Variants in UBAP1 observed in about 807,000 individuals in gnomAD.
UBAP1 encodes ubiquitin associated protein 1, also known as ubiquitin-associated protein 1.
Under a neutral mutation model 39.0 loss-of-function variants are expected in UBAP1, and 5 were observed. That is an observed-to-expected ratio of 0.13 (90% CI 0.07 to 0.27). UBAP1 has a LOEUF of 0.27. Ranked by LOEUF, UBAP1 falls within the 10% of genes least tolerant of loss-of-function variation. The probability of loss-of-function intolerance (pLI) is 1.00; values close to 1 mark genes in which losing one functional copy is unlikely to be tolerated. For synonymous variants in UBAP1, 211 were observed against 225.1 expected (o/e 0.94, Z 0.56); for missense variants, 490 against 608.1 (o/e 0.81, Z 2.04).
intron 1 of UBAP1, among the ~76,000 whole-genome samples, chr9:34,212,909 A>G (rs991168231): frequency 1.3e-5 from 2 of 152,194 alleles, no homozygotes; most frequent in African/African-American, 4.8e-5. Context: ...AAAGAAAACT[A>G]CAGACTAATA....
At chr9:34,243,779 A>G (rs1425794615) in intron 4 of UBAP1, among the ~76,000 whole-genome samples, 3 of 151,374 alleles carry the variant, frequency 2.0e-5, no homozygotes, top group African/African-American at 7.3e-5. Flanking sequence ...TGTGAGCCAC[A>G]GTGGCTGGCC....
At chr9:34,195,618 A>G (rs943739570) in intron 1 of UBAP1, among the ~76,000 whole-genome samples, 4 of 149,256 alleles carry the variant, frequency 2.7e-5, no homozygotes, top group African/African-American at 9.9e-5. Flanking sequence ...TTTTTCTGAG[A>G]CGGAGTTTCA....
At chr9:34,250,566 A>C in intron 5 of UBAP1, 92 bp from the exon 6 acceptor site, 2 of 980,550 alleles carry the variant, frequency 2.0e-6, no homozygotes, top group South Asian at 3.0e-5. Context: ...GGTGGGGCGG[A>C]GAACGGACTT....
At chr9:34,247,467 C>G (rs1834239817) in intron 4 of UBAP1, among the ~76,000 whole-genome samples, 1 of 151,922 alleles carries the variant, frequency 6.6e-6, no homozygotes, top group African/African-American at 2.4e-5. Context: ...CTGTGTCAAC[C>G]AGGCTGGAGT....
At position 34,182,259 on chromosome 9, in the gene UBAP1, A is replaced by T. The variant is rs1015418714; in HGVS notation, c.-8+3019A>T. On this transcript the variant is annotated intron_variant, in intron 1 of 6. Transcript: ENST00000297661. ...GAGTGCTGTGGCGTGATCTCAGCTC[A>T]CTGCAACCTCCATTTCCCAGGTTCA... Among the ~76,000 whole-genome samples, 74 of 144,706 alleles carry T rather than the reference A, an allele frequency of 5.1e-4. 3 individuals carry two copies. The highest frequency in any genetic ancestry group is 2.0e-3 in the African/African-American group (73 of 37,102). The allele number at this position is 144,706 out of a possible 152,430, so 94.9% of individuals were successfully genotyped here. A position where few individuals can be genotyped will look rare whatever the true frequency, so the allele number is the denominator to read the frequency against.
chr9:34,202,480 T>G (rs569768945), intron 1 of UBAP1, among the ~76,000 whole-genome samples: 9 of 152,002 alleles, frequency 5.9e-5, no homozygotes, highest in African/African-American at 4.8e-5. Context: ...TTGGGAGAGA[T>G]AGAGTTCTAC....
chr9:34,226,304 A>C (rs1449311568), intron 2 of UBAP1, among the ~76,000 whole-genome samples: 1 of 144,784 alleles, frequency 6.9e-6, no homozygotes, highest in African/African-American at 2.6e-5. Flanking sequence ...ATCTCTGCTC[A>C]CTGCAACCTC....
Position 34,221,424 on chromosome 9 carries a change from G to A in UBAP1, c.34+476G>A, listed in dbSNP as rs370043828. Among the ~76,000 whole-genome samples, 8 of 152,032 alleles carry A rather than the reference G, an allele frequency of 5.3e-5. No homozygotes were observed. The South Asian group carries it at 1.7e-3, about 32-fold the overall frequency. On this transcript the variant is annotated intron_variant, in intron 2 of 6. Coordinates refer to ENST00000297661, the MANE Select transcript of UBAP1 (RefSeq NM_016525.5). ...GGCGCCTGTAGTCCTAGCTACTCGG[G>A]AGGCTGAGGGCAGAAGAATGGCGTG... is the stretch of plus-strand genomic sequence containing the variant.
intron 2 of UBAP1, among the ~76,000 whole-genome samples, chr9:34,230,441 C>G (rs1833350043): frequency 6.6e-6 from 1 of 152,150 alleles, no homozygotes; most frequent in Non-Finnish European, 1.5e-5. Context: ...AAACAAAAGA[C>G]TTAATTGTGT....
chr9:34,236,644 C>T (rs1167406335), intron 3 of UBAP1, among the ~76,000 whole-genome samples: 1 of 152,088 alleles, frequency 6.6e-6, no homozygotes, highest in African/African-American at 2.4e-5. Flanking sequence ...TTTTCAGTCA[C>T]TCAAGTTAGA....
intron 1 of UBAP1, among the ~76,000 whole-genome samples, chr9:34,216,961 C>A (rs376811839): frequency 3.3e-5 from 5 of 152,032 alleles, no homozygotes; most frequent in African/African-American, 4.8e-5. Flanking sequence ...ACTTATTCTT[C>A]CTATGTGATG....
rs181505785 is a variant in UBAP1, at chr9:34,215,214, A to C, written c.-7-5694A>C. Among the ~76,000 whole-genome samples, 512 of 152,244 alleles carry C rather than the reference A, an allele frequency of 3.4e-3. 1 individual carries two copies. Among genetic ancestry groups the C allele is most frequent in the Non-Finnish European group, 5.7e-3 (390 of 68,024 alleles). ...ACAATTCACAAGTGTAAAATCATGG[A>C]AGCAACCCAAATGCCTATCAACGAA... On this transcript the variant is annotated intron_variant, in intron 1 of 6. Coordinates refer to ENST00000297661, the MANE Select transcript of UBAP1 (RefSeq NM_016525.5).
chr9:34,181,455 C>CG (rs1275290884), intron 1 of UBAP1, among the ~76,000 whole-genome samples: 5 of 141,490 alleles, frequency 3.5e-5, no homozygotes, highest in Non-Finnish European at 4.6e-5. Flanking sequence ...TTTTTTGAGA[C>CG]GGAGTCTCCC....
chr9:34,238,247 T>G (rs1452838546), intron 3 of UBAP1, among the ~76,000 whole-genome samples: 4 of 152,376 alleles, frequency 2.6e-5, no homozygotes, highest in African/African-American at 9.6e-5. Context: ...TAACACACTT[T>G]GTTTATCTGT....
rs775001722 is a variant in UBAP1, at chr9:34,241,293, G to A, written c.268G>A (p.Val90Met). 6 of 1,509,256 alleles carry A rather than the reference G, an allele frequency of 4.0e-6. No individual in the cohort carries two copies. The African/African-American group carries it at 7.0e-5, about 18-fold the overall frequency. 93.5% of individuals were successfully genotyped at this position (1,509,256 alleles called of 1,614,324 possible). A position where few individuals can be genotyped will look rare whatever the true frequency, so the allele number is the denominator to read the frequency against. Residue 90 changes from valine (V) to methionine (M), a missense_variant, in exon 4 of 7, where the codon GTG becomes ATG. Val to Met is a conservative substitution (Grantham distance 21, BLOSUM62 1). Coordinates refer to ENST00000297661, the MANE Select transcript of UBAP1 (RefSeq NM_016525.5). ...CAAAATTGCGGAAGCAGAAGCTAAA[G>A]TGAATTCTAAGAGTGGCCCAGAGGG... ...ECKIAEAEAK[V>M]NSKSGPEGDS...
In UBAP1 at chr9:34,204,537, A is replaced by G. The variant is rs1000670707; in HGVS notation, c.-7-16371A>G. ...CAGAATTAAGATGAAGTCTTGTGCT[A>G]TCTTTTTAATATGTATAAGACTAGA... On this transcript the variant is annotated intron_variant, in intron 1 of 6. Transcript: ENST00000297661. Among the ~76,000 whole-genome samples the G allele has an allele frequency of 3.9e-5, 6 of 152,134 alleles. No homozygotes were observed. The East Asian group carries it at 1.2e-3, about 29-fold the overall frequency.
At chr9:34,248,145 C>A (rs1282847199) in intron 4 of UBAP1, among the ~76,000 whole-genome samples, 1 of 151,928 alleles carries the variant, frequency 6.6e-6, no homozygotes, top group Non-Finnish European at 1.5e-5. Flanking sequence ...AAGCGATTTT[C>A]CCACCTCAGC....
At chr9:34,230,409 A>G (rs1030910770) in intron 2 of UBAP1, among the ~76,000 whole-genome samples, 1 of 152,150 alleles carries the variant, frequency 6.6e-6, no homozygotes, top group Non-Finnish European at 1.5e-5. Flanking sequence ...ATTTTTGTGT[A>G]TCATCTGTGC....
rs1830435697 is a variant in UBAP1, at chr9:34,186,903, T to C, written c.-8+7663T>C. On this transcript the variant is annotated intron_variant, in intron 1 of 6. Coordinates refer to ENST00000297661, the MANE Select transcript of UBAP1 (RefSeq NM_016525.5). Reference sequence around the variant, plus strand: ...ATGGTTTGTGTTTTGTGTTTTTTTTTATTTTTTATTTTTTATTTTTTGAGA... The same window carrying C: ...ATGGTTTGTGTTTTGTGTTTTTTTTCATTTTTTATTTTTTATTTTTTGAGA... Among the ~76,000 whole-genome samples the C allele has an allele frequency of 2.0e-5, 3 of 151,640 alleles. No individual in the cohort carries two copies. The South Asian group carries it at 6.4e-4, about 32-fold the overall frequency.
Sources: allele counts gnomAD v4.1 joint callset (sites outside exome capture counted in the v4.1 genomes callset), GRCh38; gene constraint gnomAD v4.1.1; transcripts MANE v1.5; gene names NCBI Gene and HGNC (gene_info 2026-07-23, HGNC 2026-07-21).